YME1L1: variants seen among roughly 807,000 people sequenced by gnomAD.
YME1L1 encodes YME1 like 1 ATPase, also known as ATP-dependent zinc metalloprotease YME1L1.
In YME1L1, 39 loss-of-function variants were observed where a neutral mutation model predicts 90.4. That is an observed-to-expected ratio of 0.43 (90% CI 0.33 to 0.56). YME1L1 has a LOEUF of 0.56. Among genes scored for constraint, YME1L1 ranks in the 20% least tolerant of loss-of-function variants. The probability of loss-of-function intolerance (pLI) is 0.03; values close to 1 mark genes in which losing one functional copy is unlikely to be tolerated. For synonymous variants in YME1L1, 284 were observed against 287.3 expected, an observed-to-expected ratio of 0.99 and a Z score of 0.12; for missense variants, 617 against 868.4, an observed-to-expected ratio of 0.71 and a Z score of 3.64.
intron 18 of YME1L1, among the ~76,000 whole-genome samples, chr10:27,113,659 CA>C: frequency 7.2e-6 from 1 of 138,478 alleles, no homozygotes; most frequent in Non-Finnish European, 1.5e-5. Flanking sequence ...GCAACAAGAG[CA>C]GAACTCTGTC....
chr10:27,137,843 A>T (rs1211842499), intron 4 of YME1L1, among the ~76,000 whole-genome samples: 2 of 152,130 alleles, frequency 1.3e-5, no homozygotes, highest in African/African-American at 4.8e-5. Context: ...TTAGTTATAT[A>T]TATTGTAAAC....
At position 27,110,159 on chromosome 10, in the gene YME1L1, T is replaced by C. The variant is rs1308954705; in HGVS notation, c.*1818A>G. 1 of 152,176 alleles carries C rather than the reference T, an allele frequency of 6.6e-6. No individual in the cohort carries two copies. The highest frequency in any genetic ancestry group is 1.5e-5 in the Non-Finnish European group (1 of 68,042). 9.4% of individuals were successfully genotyped at this position (152,176 alleles called of 1,614,324 possible). A position where few individuals can be genotyped will look rare whatever the true frequency, so the allele number is the denominator to read the frequency against. ...TATGTAAATTATACCTCAACAAATATGTAAAAAAATTTAAGACAGATAAGA... is the reference window on the plus strand; with the variant it reads ...TATGTAAATTATACCTCAACAAATACGTAAAAAAATTTAAGACAGATAAGA... On this transcript the variant is annotated 3_prime_UTR_variant, in exon 19 of 19. Transcript: ENST00000376016.
In YME1L1 at chr10:27,148,869, A is replaced by C; in HGVS notation, c.168+37T>G. The stretch of plus-strand genomic sequence containing the variant: ...TTTGTTTAAGGGTCAACTGTATATC[A>C]AAAAGGCTTTCTCACACAACCAGGA... On this transcript the variant is annotated intron_variant, in intron 2 of 18. Coordinates refer to ENST00000376016, the MANE Select transcript of YME1L1 (RefSeq NM_014263.4). The C allele has an allele frequency of 1.9e-6, 3 of 1,610,566 alleles. No homozygotes were observed. The South Asian group carries it at 3.3e-5, about 18-fold the overall frequency.
At chr10:27,117,826 T>TGC in intron 14 of YME1L1, 99 bp from the exon 15 acceptor site, 3 of 1,223,956 alleles carry the variant, frequency 2.5e-6, no homozygotes, top group Non-Finnish European at 3.5e-6. Flanking sequence ...CCACCCTTCC[T>TGC]ATCAGCAGAT....
At chr10:27,134,769 G>A in intron 6 of YME1L1, 62 bp downstream of exon 6, 2 of 1,550,090 alleles carry the variant, frequency 1.3e-6, no homozygotes, top group Non-Finnish European at 1.8e-6. Context: ...AAACTTAAAT[G>A]TAGGACTATG....
chr10:27,119,637 C>T (rs1172688408), intron 13 of YME1L1, among the ~76,000 whole-genome samples, 188 bp from the exon 14 acceptor site: 1 of 152,046 alleles, frequency 6.6e-6, no homozygotes, highest in Non-Finnish European at 1.5e-5. Flanking sequence ...GGTGAAACCC[C>T]ATCTCTACTA....
At chr10:27,123,069 C>T (rs1411372051) in intron 10 of YME1L1, 96 bp from the exon 11 acceptor site, 1 of 1,430,522 alleles carries the variant, frequency 7.0e-7, no homozygotes, top group African/African-American at 1.4e-5. Flanking sequence ...CTGTCAAAAG[C>T]CAACAAAAAA....
intron 8 of YME1L1, among the ~76,000 whole-genome samples, chr10:27,127,378 T>C (rs573872852): frequency 4.9e-4 from 74 of 152,310 alleles, no homozygotes; most frequent in Admixed American, 3.5e-3. Flanking sequence ...AACAAAGCTT[T>C]GTCCATTCCT....
chr10:27,136,505 T>A, intron 4 of YME1L1, 120 bp from the exon 5 acceptor site: 1 of 770,286 alleles, frequency 1.3e-6, no homozygotes, highest in Non-Finnish European at 2.1e-6. Flanking sequence ...TGCCTGACAC[T>A]TCAATACGTT....
chr10:27,125,458 G>GAAAAAA (rs68143135), intron 9 of YME1L1, among the ~76,000 whole-genome samples: 33 of 107,632 alleles, frequency 3.1e-4, no homozygotes, highest in Admixed American at 6.7e-4. Context: ...TGTTTCATTT[G>GAAAAAA]AAAAAAAAAA....
At chr10:27,135,708 A>G (rs1311773907) in intron 5 of YME1L1, among the ~76,000 whole-genome samples, 2 of 152,218 alleles carry the variant, frequency 1.3e-5, no homozygotes, top group Non-Finnish European at 1.5e-5. Flanking sequence ...GGTAGAGATC[A>G]AATGATGAAA....
intron 2 of YME1L1, chr10:27,147,763 G>A (rs2057161709): frequency 3.3e-6 from 5 of 1,500,866 alleles, no homozygotes; most frequent in Non-Finnish European, 3.6e-6. Flanking sequence ...TCTGGCTCCT[G>A]TCAATTGTGC....
At position 27,121,457 on chromosome 10, in the gene YME1L1, G is replaced by A. The variant is rs1564457426; in HGVS notation, c.1236-9C>T. On this transcript the variant is annotated splice_polypyrimidine_tract_variant and intron_variant, in intron 11 of 18. Transcript: ENST00000376016. Reference sequence around the variant, plus strand: ...CTTCATTGGGTTTAAAACTATATTGGAAAAAAAATAGTATCTTTTACTAAC... The same window carrying A: ...CTTCATTGGGTTTAAAACTATATTGAAAAAAAAATAGTATCTTTTACTAAC... 2.6e-6 allele frequency: 4 copies of A among 1,558,350 alleles called. No homozygotes were observed. Among genetic ancestry groups the A allele is most frequent in the Admixed American group, 1.7e-5 (1 of 59,462 alleles).
intron 11 of YME1L1, among the ~76,000 whole-genome samples, 161 bp from the exon 12 acceptor site, chr10:27,121,609 C>G (rs1703315666): frequency 6.6e-6 from 1 of 152,178 alleles, no homozygotes; most frequent in Admixed American, 6.5e-5. Flanking sequence ...ACTGCTGCCT[C>G]AAACTCCTGG....
intron 9 of YME1L1, among the ~76,000 whole-genome samples, chr10:27,125,467 A>AAAC (rs1564459083): frequency 3.4e-4 from 51 of 150,740 alleles, no homozygotes; most frequent in African/African-American, 1.1e-3. Context: ...TGAAAAAAAA[A>AAAC]AAAAAAAAAA....
chr10:27,153,242 T>C (rs919009574), intron 1 of YME1L1: 4 of 470,690 alleles, frequency 8.5e-6, no homozygotes, highest in East Asian at 6.9e-5. Context: ...ACATAACTGA[T>C]GCCCAATAAC....
intron 13 of YME1L1, 36 bp from the exon 14 acceptor site, chr10:27,119,485 A>G (rs773820001): frequency 2.5e-6 from 4 of 1,574,984 alleles, no homozygotes; most frequent in Middle Eastern, 3.4e-4. Context: ...TAATAAGTCT[A>G]AAACAGGTAA....
chr10:27,136,678 T>C (rs552081274), intron 4 of YME1L1, among the ~76,000 whole-genome samples: 28 of 151,982 alleles, frequency 1.8e-4, no homozygotes, highest in African/African-American at 6.8e-4. Flanking sequence ...GTTTTTTCTA[T>C]CCTCCTTTTT....
rs2056808038 is a variant in YME1L1 at position 27,115,932 on chromosome 10, T to G, written c.1920+128A>C. 4 of 845,956 alleles carry G rather than the reference T, an allele frequency of 4.7e-6. No homozygotes were observed. In the Admixed American group the frequency reaches 9.8e-5, roughly 21 times the overall value. 52.4% of individuals were successfully genotyped at this position (845,956 alleles called of 1,614,324 possible). On this transcript the variant is annotated intron_variant, in intron 17 of 18. Coordinates refer to ENST00000376016, the MANE Select transcript of YME1L1 (RefSeq NM_014263.4). Reference sequence around the variant, plus strand: ...ATTCAGAGAATAACAATGTTCAGAATAAAGAGCCTCAAATCCATTTGGAGT... The same window carrying G: ...ATTCAGAGAATAACAATGTTCAGAAGAAAGAGCCTCAAATCCATTTGGAGT...
Sources: gnomAD v4.1 joint callset for allele counts (sites outside exome capture counted in the v4.1 genomes callset) on GRCh38, gnomAD v4.1.1 for gene constraint, MANE v1.5 for transcripts, NCBI Gene and HGNC (gene_info 2026-07-23, HGNC 2026-07-21) for gene names.